The following RAP1GDS1 variants were observed in gnomAD, a reference collection of about 807,000 sequenced individuals.
The protein encoded by RAP1GDS1 is RAP1, GTP-GDP dissociation stimulator 1.
Under a neutral mutation model 71.1 loss-of-function variants are expected in RAP1GDS1, and 35 were observed. That is an observed-to-expected ratio of 0.49 (90% CI 0.38 to 0.65). The LOEUF (loss-of-function observed/expected upper bound fraction) is 0.65. Ranked by LOEUF, RAP1GDS1 falls within the 30% of genes least tolerant of loss-of-function variation. The pLI is 0.00. For missense variants in RAP1GDS1, 663 were observed against 706.1 expected (o/e 0.94, Z 0.69); for synonymous variants, 229 against 243.1 (o/e 0.94, Z 0.54).
intron 1 of RAP1GDS1, among the ~76,000 whole-genome samples, chr4:98,291,629 C>A (rs1726936061): frequency 6.6e-6 from 1 of 152,076 alleles, no homozygotes; most frequent in Admixed American, 6.6e-5. Flanking sequence ...TTAATAAAGT[C>A]TAGAGTTAAG....
At chr4:98,341,663 G>A (rs1735523151) in intron 2 of RAP1GDS1, among the ~76,000 whole-genome samples, 1 of 151,868 alleles carries the variant, frequency 6.6e-6, no homozygotes, top group African/African-American at 2.4e-5. Context: ...GGTCAGAAAA[G>A]GAAAGATTTT....
At chr4:98,430,951 C>G (rs777605106) in intron 12 of RAP1GDS1, among the ~76,000 whole-genome samples, 21 of 152,304 alleles carry the variant, frequency 1.4e-4, no homozygotes, top group Non-Finnish European at 2.4e-4. Context: ...TGCTGATGCT[C>G]TTAGGTAAAG....
chr4:98,342,113 A>C (rs1227887193), intron 2 of RAP1GDS1, among the ~76,000 whole-genome samples: 1 of 152,196 alleles, frequency 6.6e-6, no homozygotes, highest in African/African-American at 2.4e-5. Context: ...GAAAAACTGT[A>C]TTAAACAATC....
chr4:98,409,931 AAG>A (rs1746770442), intron 7 of RAP1GDS1, among the ~76,000 whole-genome samples: 1 of 152,194 alleles, frequency 6.6e-6, no homozygotes, highest in African/African-American at 2.4e-5. Context: ...AGATCACAAA[AAG>A]CTCTAATCAT....
chr4:98,419,676 T>A (rs1045540392), intron 10 of RAP1GDS1, among the ~76,000 whole-genome samples: 1 of 152,184 alleles, frequency 6.6e-6, no homozygotes, highest in Non-Finnish European at 1.5e-5. Flanking sequence ...ATTAACACAG[T>A]TGGATCAAAA....
At chr4:98,271,834 C>A (rs1723504262) in intron 1 of RAP1GDS1, among the ~76,000 whole-genome samples, 1 of 152,162 alleles carries the variant, frequency 6.6e-6, no homozygotes, top group Non-Finnish European at 1.5e-5. Flanking sequence ...GTGACACTGT[C>A]TCCATTTTAC....
At position 98,392,028 on chromosome 4, in the gene RAP1GDS1, T is replaced by C. The variant is rs1466530996; in HGVS notation, c.585T>C (p.Asn195=). The C allele has an allele frequency of 6.2e-7, 1 of 1,612,432 alleles. No homozygotes were observed. The highest frequency in any genetic ancestry group is 1.1e-5 in the South Asian group (1 of 90,976). The change falls in exon 6 of 15, where the codon AAT becomes AAC. Residue 195 remains asparagine (N), a synonymous_variant. Coordinates refer to ENST00000408927, the MANE Select transcript of RAP1GDS1 (RefSeq NM_001100427.2). ...AATTACTGGGCATCCACTGCCAAAA[T>C]GCAGCTCTTACAGAAATGTGTCTTG... ...LVKLLGIHCQ[N]AALTEMCLVA... is the part of the protein sequence containing the mutation.
At chr4:98,404,067 A>G (rs903495853) in intron 6 of RAP1GDS1, among the ~76,000 whole-genome samples, 3 of 152,234 alleles carry the variant, frequency 2.0e-5, no homozygotes, top group Admixed American at 2.0e-4. Context: ...CCAATTACTC[A>G]TGCAGAATTA....
At chr4:98,278,784 T>C (rs535355844) in intron 1 of RAP1GDS1, among the ~76,000 whole-genome samples, 2 of 152,214 alleles carry the variant, frequency 1.3e-5, no homozygotes, top group Non-Finnish European at 2.9e-5. Flanking sequence ...ATGGAAACTT[T>C]CAAGCTCAGT....
chr4:98,321,540 A>C (rs1468980443), intron 2 of RAP1GDS1, among the ~76,000 whole-genome samples: 3 of 149,840 alleles, frequency 2.0e-5, no homozygotes, highest in Non-Finnish European at 4.4e-5. Flanking sequence ...GGTTACCCTC[A>C]AAGGGAAGCC....
chr4:98,324,950 A>G (rs1432669971), intron 2 of RAP1GDS1, among the ~76,000 whole-genome samples: 1 of 151,804 alleles, frequency 6.6e-6, no homozygotes, highest in Admixed American at 6.6e-5. Context: ...GAGCTTCTGC[A>G]CAGCAAAAGA....
At chr4:98,384,506 C>T (rs1742456006) in intron 5 of RAP1GDS1, among the ~76,000 whole-genome samples, 1 of 151,618 alleles carries the variant, frequency 6.6e-6, no homozygotes, top group Non-Finnish European at 1.5e-5. Context: ...AAGAATAGAG[C>T]AGTTAGTTAG....
rs1255249427 is a variant in RAP1GDS1, at chr4:98,442,105, T to C, written c.1812T>C (p.Thr604=). The part of the protein sequence containing the change: ...QQASLTEQRL[T]VES ...CCTCTCTCACAGAGCAGAGACTTAC[T>C]GTGGAAAGCTGAGAACTGCCCGATA... is the stretch of plus-strand genomic sequence containing the variant. Residue 604 remains threonine, a synonymous_variant, in exon 15 of 15, where the codon ACT becomes ACC. Coordinates refer to ENST00000408927, the MANE Select transcript of RAP1GDS1 (RefSeq NM_001100427.2). The C allele has an allele frequency of 1.2e-6, 2 of 1,613,372 alleles. No homozygotes were observed. Among genetic ancestry groups the C allele is most frequent in the Admixed American group, 1.7e-5 (1 of 60,024 alleles).
chr4:98,352,394 A>G, intron 3 of RAP1GDS1, 82 bp from the exon 4 acceptor site: 1 of 1,422,516 alleles, frequency 7.0e-7, no homozygotes, highest in Middle Eastern at 2.0e-4. Context: ...TATTAAAAGT[A>G]GGTATTTATT....
chr4:98,410,144 A>G (rs1246995366), intron 7 of RAP1GDS1, among the ~76,000 whole-genome samples: 2 of 152,132 alleles, frequency 1.3e-5, no homozygotes, highest in African/African-American at 4.8e-5. Flanking sequence ...CTTTTTTTAA[A>G]GACACCGTTA....
intron 1 of RAP1GDS1, among the ~76,000 whole-genome samples, chr4:98,272,513 G>A (rs1425312580): frequency 1.3e-5 from 2 of 152,114 alleles, no homozygotes; most frequent in African/African-American, 4.8e-5. Context: ...TTGGTTGTGC[G>A]ATCTGTGGTC....
chr4:98,269,054 T>C (rs906148337), intron 1 of RAP1GDS1, among the ~76,000 whole-genome samples: 23 of 151,432 alleles, frequency 1.5e-4, no homozygotes, highest in African/African-American at 5.6e-4. Context: ...CTTCAAGTCA[T>C]GTTACAAAGC....
At chr4:98,391,734 A>G (rs1230670975) in intron 5 of RAP1GDS1, among the ~76,000 whole-genome samples, 2 of 152,192 alleles carry the variant, frequency 1.3e-5, no homozygotes, top group Non-Finnish European at 2.9e-5. Flanking sequence ...TTATTTCTAA[A>G]TGCCTTTTGG....
At chr4:98,336,346 A>G (rs1049234238) in intron 2 of RAP1GDS1, among the ~76,000 whole-genome samples, 1 of 152,154 alleles carries the variant, frequency 6.6e-6, no homozygotes, top group Non-Finnish European at 1.5e-5. Flanking sequence ...TTTATGACCT[A>G]CTTAGTGGTA....
Sources: gnomAD v4.1 joint callset for allele counts (sites outside exome capture counted in the v4.1 genomes callset) on GRCh38, gnomAD v4.1.1 for gene constraint, MANE v1.5 for transcripts, NCBI Gene and HGNC (gene_info 2026-07-23, HGNC 2026-07-21) for gene names.